Variants in XIRP2 observed in about 807,000 individuals in gnomAD.
XIRP2 encodes xin actin-binding repeat-containing protein 2.
XIRP2 carries 236 observed loss-of-function variants against 277.0 expected under a neutral mutation model. That is an observed-to-expected ratio of 0.85 (90% CI 0.77 to 0.95). The LOEUF is 0.95. Among genes scored for constraint, XIRP2 ranks in the 40% least tolerant of loss-of-function variants. XIRP2 has a pLI of 0.00. For synonymous variants in XIRP2, 1,490 were observed against 1,416.5 expected (o/e 1.05, Z -1.17); for missense variants, 4,640 against 4,157.5 (o/e 1.12, Z -3.19).
chr2:167,081,251 AG>A (rs1327089595), intron 2 of XIRP2, among the ~76,000 whole-genome samples: 1 of 152,168 alleles, frequency 6.6e-6, no homozygotes, highest in Non-Finnish European at 1.5e-5. Flanking sequence ...GAATCACTTG[AG>A]GCTGGGATTT....
At chr2:167,124,886 T>C (rs562637604) in intron 2 of XIRP2, among the ~76,000 whole-genome samples, 1 of 152,256 alleles carries the variant, frequency 6.6e-6, no homozygotes, top group South Asian at 2.1e-4. Context: ...CTGCTGTCCC[T>C]TTGGGAATAG....
intron 3 of XIRP2, among the ~76,000 whole-genome samples, chr2:167,194,619 G>T (rs189739548): frequency 6.6e-6 from 1 of 152,038 alleles, no homozygotes. Context: ...TGAACTCCAC[G>T]TAACACTTTA....
intron 2 of XIRP2, among the ~76,000 whole-genome samples, chr2:167,094,389 C>T (rs1477359743): frequency 6.6e-6 from 1 of 152,118 alleles, no homozygotes; most frequent in Non-Finnish European, 1.5e-5. Context: ...AAGTCTTTGC[C>T]CATCCCTAGG....
chr2:167,131,181 A>C (rs1213840497), intron 2 of XIRP2, among the ~76,000 whole-genome samples: 1 of 152,066 alleles, frequency 6.6e-6, no homozygotes, highest in African/African-American at 2.4e-5. Context: ...CCTTCCCCTC[A>C]GTGAGAACAG....
chr2:167,034,386 C>T (rs1688451475), intron 2 of XIRP2, among the ~76,000 whole-genome samples: 1 of 151,376 alleles, frequency 6.6e-6, no homozygotes, highest in African/African-American at 2.4e-5. Flanking sequence ...GGGAACTACA[C>T]AGAATAACAA....
chr2:167,069,109 T>C (rs936970699), intron 2 of XIRP2, among the ~76,000 whole-genome samples: 3 of 152,180 alleles, frequency 2.0e-5, no homozygotes, highest in African/African-American at 7.2e-5. Context: ...ATAACCTATG[T>C]ACATCCTTCT....
chr2:167,238,142 A>G (rs1694955065), intron 5 of XIRP2, among the ~76,000 whole-genome samples: 1 of 152,222 alleles, frequency 6.6e-6, no homozygotes, highest in Non-Finnish European at 1.5e-5. Context: ...TTAATGTATC[A>G]GTGAAAGTTT....
chr2:167,194,321 T>C (rs898157634), intron 3 of XIRP2, among the ~76,000 whole-genome samples: 3 of 152,146 alleles, frequency 2.0e-5, no homozygotes, highest in East Asian at 1.9e-4. Context: ...CCTCAGGTTA[T>C]CCACCTGCCT....
chr2:167,116,601 T>C (rs535603082), intron 2 of XIRP2, among the ~76,000 whole-genome samples: 29 of 152,342 alleles, frequency 1.9e-4, no homozygotes, highest in Admixed American at 1.7e-3. Context: ...TACTCTTTCA[T>C]TGGTGTGATT....
intron 3 of XIRP2, among the ~76,000 whole-genome samples, chr2:167,179,558 G>C (rs762825223): frequency 2.0e-5 from 3 of 151,864 alleles, no homozygotes; most frequent in Non-Finnish European, 2.9e-5. Flanking sequence ...CTGACCTCAT[G>C]ATCTGCCCAC....
In XIRP2 at chr2:167,258,354, A is replaced by C. The variant is rs941070711; in HGVS notation, c.*537A>C. The C allele has an allele frequency of 1.9e-6, 3 of 1,613,480 alleles. No homozygotes were observed. The highest frequency in any genetic ancestry group is 2.2e-5 in the South Asian group (2 of 91,072). ...GATCACTTTCCATTTTTGCAGCCTT[A>C]TCTACAGTCCACCCATGTTTGTCAG... On this transcript the variant is annotated 3_prime_UTR_variant, in exon 11 of 11. Transcript: ENST00000409195.
At chr2:166,980,250 A>G (rs1686830217) in intron 2 of XIRP2, among the ~76,000 whole-genome samples, 1 of 152,010 alleles carries the variant, frequency 6.6e-6, no homozygotes, top group East Asian at 1.9e-4. Context: ...TTACTCTAAG[A>G]GTTTTTATAA....
intron 1 of XIRP2, among the ~76,000 whole-genome samples, chr2:166,899,884 C>G (rs746565222): frequency 6.6e-6 from 1 of 152,162 alleles, no homozygotes; most frequent in East Asian, 1.9e-4. Context: ...TCCTATGCCA[C>G]CGCGCAACGT....
chr2:167,172,051 C>T (rs757396852), intron 3 of XIRP2, among the ~76,000 whole-genome samples: 2 of 152,120 alleles, frequency 1.3e-5, no homozygotes, highest in East Asian at 1.9e-4. Flanking sequence ...AACCCGCCCC[C>T]GATAATTCAA....
intron 2 of XIRP2, among the ~76,000 whole-genome samples, chr2:166,930,623 T>G (rs1333633489): frequency 2.0e-5 from 3 of 152,208 alleles, no homozygotes; most frequent in African/African-American, 7.2e-5. Flanking sequence ...GTTTTGAAAT[T>G]GAAATATAAA....
intron 2 of XIRP2, among the ~76,000 whole-genome samples, chr2:167,088,320 G>T (rs1172902925): frequency 6.6e-6 from 1 of 151,910 alleles, no homozygotes; most frequent in East Asian, 1.9e-4. Context: ...CTCCACTTGA[G>T]CCTCACATTC....
rs1342516210 is a variant in XIRP2 at position 167,239,905 on chromosome 2, G to T, written c.909G>T (p.Met303Ile). The change falls in exon 6 of 11, where the codon ATG becomes ATT. Residue 303 changes from methionine (M) to isoleucine (I), a missense_variant. Physicochemically the swap from Met to Ile is conservative, Grantham distance 10. Coordinates refer to ENST00000409195, the MANE Select transcript of XIRP2 (RefSeq NM_152381.6). ...GCACTTCAAGAAGCAGCCAGGAAAT[G>T]GCAAGAAATGAACAAGAAGGGTCCA... ...QVGTSRSSQE[M>I]ARNEQEGSKV... 9.3e-6 allele frequency: 15 copies of T among 1,607,164 alleles called. No homozygotes were observed. In the Admixed American group the frequency reaches 2.6e-4, roughly 27 times the overall value.
chr2:167,024,361 G>T (rs1228953416), intron 2 of XIRP2, among the ~76,000 whole-genome samples: 1 of 152,086 alleles, frequency 6.6e-6, no homozygotes, highest in African/African-American at 2.4e-5. Flanking sequence ...GGGCTGAGAT[G>T]ATGGAGTTTT....
intron 2 of XIRP2, among the ~76,000 whole-genome samples, chr2:166,946,941 C>T (rs1177588599): frequency 6.6e-6 from 1 of 152,046 alleles, no homozygotes; most frequent in African/African-American, 2.4e-5. Context: ...TATCAATTAT[C>T]TAAAACTTAC....
Sources: allele counts gnomAD v4.1 joint callset (sites outside exome capture counted in the v4.1 genomes callset), GRCh38; gene constraint gnomAD v4.1.1; transcripts MANE v1.5; gene names NCBI Gene and HGNC (gene_info 2026-07-23, HGNC 2026-07-21).